Variants in DDX10 observed in about 807,000 individuals in gnomAD.
The protein encoded by DDX10 is DEAD-box helicase 10, also known as probable ATP-dependent RNA helicase DDX10.
Under a neutral mutation model 104.3 loss-of-function variants are expected in DDX10, and 74 were observed. The ratio of observed to expected loss-of-function variants is 0.71; its 90% CI spans 0.59 to 0.86. The LOEUF is 0.86. Ranked by LOEUF, DDX10 falls within the 40% of genes least tolerant of loss-of-function variation. The pLI is 0.00. For missense variants in DDX10, 952 were observed against 1,040.0 expected (o/e 0.92, Z 1.16); for synonymous variants, 351 against 353.4 (o/e 0.99, Z 0.08).
chr11:108,764,050 T>C (rs1188317098), intron 13 of DDX10, among the ~76,000 whole-genome samples: 2 of 152,200 alleles, frequency 1.3e-5, no homozygotes, highest in Non-Finnish European at 2.9e-5. Flanking sequence ...GCAAAACAAC[T>C]AAAACCTTTG....
chr11:108,814,662 CT>C (rs1235702778), intron 13 of DDX10, among the ~76,000 whole-genome samples: 1 of 151,876 alleles, frequency 6.6e-6, no homozygotes, highest in Middle Eastern at 3.2e-3. Flanking sequence ...AAAAAAAAAC[CT>C]CTCAAACTTT....
In DDX10 at chr11:108,665,130, C is replaced by A. The variant is rs774814021; in HGVS notation, c.-24C>A. On this transcript the variant is annotated 5_prime_UTR_variant, in exon 1 of 18. Coordinates refer to ENST00000322536, the MANE Select transcript of DDX10 (RefSeq NM_004398.4). The stretch of plus-strand genomic sequence containing the variant: ...AGGTGTCTCGTGTCTGGGGTTGATC[C>A]GAGCTGTCGCCGCCGCCGCCGCAAT... 6.3e-7 allele frequency: 1 copy of A among 1,593,454 alleles called. No individual in the cohort carries two copies. The highest frequency in any genetic ancestry group is 1.1e-5 in the South Asian group (1 of 87,598).
chr11:108,917,047 T>C (rs1157281193), intron 16 of DDX10, among the ~76,000 whole-genome samples: 1 of 151,836 alleles, frequency 6.6e-6, no homozygotes, highest in Non-Finnish European at 1.5e-5. Flanking sequence ...CAAATAAGCT[T>C]GTACAGATCT....
chr11:108,669,433 A>T (rs1389404816), intron 1 of DDX10, among the ~76,000 whole-genome samples: 2 of 152,158 alleles, frequency 1.3e-5, no homozygotes, highest in East Asian at 3.9e-4. Context: ...CAGATAGAAA[A>T]GATTGGCAAG....
intron 13 of DDX10, among the ~76,000 whole-genome samples, chr11:108,735,346 A>G (rs2094317075): frequency 6.6e-6 from 1 of 152,178 alleles, no homozygotes; most frequent in Non-Finnish European, 1.5e-5. Context: ...AGCAAAACCA[A>G]CAGTATTCCC....
chr11:108,824,571 G>A (rs1862370760), intron 13 of DDX10, among the ~76,000 whole-genome samples: 1 of 152,174 alleles, frequency 6.6e-6, no homozygotes, highest in Non-Finnish European at 1.5e-5. Flanking sequence ...AGTTAAAAAT[G>A]AAATCAATAC....
chr11:108,865,467 T>C (rs897114401), intron 16 of DDX10, among the ~76,000 whole-genome samples: 9 of 152,174 alleles, frequency 5.9e-5, no homozygotes, highest in African/African-American at 2.2e-4. Context: ...TGTTTGCCAG[T>C]GGTTGAAATA....
At chr11:108,747,349 T>C (rs2094333043) in intron 13 of DDX10, among the ~76,000 whole-genome samples, 1 of 152,290 alleles carries the variant, frequency 6.6e-6, no homozygotes, top group South Asian at 2.1e-4. Context: ...GCTTCTATAT[T>C]AAAAAGAATG....
At chr11:108,786,340 G>C (rs1861790127) in intron 13 of DDX10, among the ~76,000 whole-genome samples, 1 of 151,382 alleles carries the variant, frequency 6.6e-6, no homozygotes, top group Non-Finnish European at 1.5e-5. Flanking sequence ...TTGTTAGGTG[G>C]AGTATTCTGT....
intron 13 of DDX10, among the ~76,000 whole-genome samples, chr11:108,778,333 T>A (rs2094372962): frequency 6.6e-6 from 1 of 152,168 alleles, no homozygotes; most frequent in Non-Finnish European, 1.5e-5. Context: ...ATGGTACTGG[T>A]ACCAAAACAG....
chr11:108,873,922 A>G (rs1450704695), intron 16 of DDX10, among the ~76,000 whole-genome samples: 1 of 152,224 alleles, frequency 6.6e-6, no homozygotes, highest in African/African-American at 2.4e-5. Context: ...TGGATCAAAC[A>G]GTACATGAAC....
chr11:108,688,795 A>G, intron 6 of DDX10, 141 bp from the exon 7 acceptor site: 1 of 782,560 alleles, frequency 1.3e-6, no homozygotes, highest in East Asian at 2.6e-5. Context: ...GACAATAGAG[A>G]AAAATTCTTT....
intron 16 of DDX10, among the ~76,000 whole-genome samples, chr11:108,906,568 A>G (rs931692153): frequency 3.9e-5 from 6 of 152,262 alleles, no homozygotes; most frequent in Non-Finnish European, 7.3e-5. Flanking sequence ...ACAACTAGCC[A>G]TTAGTGGATC....
At chr11:108,673,606 A>T in intron 2 of DDX10, 79 bp downstream of exon 2, 1 of 1,104,384 alleles carries the variant, frequency 9.1e-7, no homozygotes, top group East Asian at 2.4e-5. Context: ...TAGAGGGTTT[A>T]GCCTGAAAAA....
intron 13 of DDX10, among the ~76,000 whole-genome samples, chr11:108,837,338 G>A (rs1334247597): frequency 2.0e-5 from 3 of 152,130 alleles, no homozygotes; most frequent in Non-Finnish European, 4.4e-5. Flanking sequence ...ATTGGGTTAA[G>A]TACCACCAAT....
chr11:108,850,051 A>G (rs1039237961), intron 15 of DDX10, among the ~76,000 whole-genome samples: 3 of 152,140 alleles, frequency 2.0e-5, no homozygotes, highest in African/African-American at 7.2e-5. Context: ...GATAAGAAAG[A>G]AACGTTTTCT....
Position 108,759,680 on chromosome 11 carries a change from G to T in DDX10, c.1965+36218G>T, listed in dbSNP as rs540451782. On this transcript the variant is annotated intron_variant, in intron 13 of 17. Coordinates refer to ENST00000322536, the MANE Select transcript of DDX10 (RefSeq NM_004398.4). ...CTCTGAACTTGACAAATGCTAAAAT[G>T]GCAGAATTTGATTGTGTGTCTCATA... is the stretch of plus-strand genomic sequence containing the variant. Among the ~76,000 whole-genome samples the T allele has an allele frequency of 5.3e-4, 80 of 152,034 alleles. 1 individual carries two copies. Among genetic ancestry groups the T allele is most frequent in the Admixed American group, 1.5e-3 (23 of 15,222 alleles).
chr11:108,668,458 A>G (rs2094212829), intron 1 of DDX10, among the ~76,000 whole-genome samples: 1 of 152,246 alleles, frequency 6.6e-6, no homozygotes, highest in South Asian at 2.1e-4. Flanking sequence ...TGAGAAATAA[A>G]TGCAGTGTGA....
chr11:108,883,315 A>G (rs1485773361), intron 16 of DDX10, among the ~76,000 whole-genome samples: 1 of 152,094 alleles, frequency 6.6e-6, no homozygotes, highest in Non-Finnish European at 1.5e-5. Context: ...GTAATTCAAG[A>G]TATTATTTTT....
Sources: allele counts gnomAD v4.1 joint callset (sites outside exome capture counted in the v4.1 genomes callset), GRCh38; gene constraint gnomAD v4.1.1; transcripts MANE v1.5; gene names NCBI Gene and HGNC (gene_info 2026-07-23, HGNC 2026-07-21).